Variants in TBCK observed in about 807,000 individuals in gnomAD.
The protein encoded by TBCK is TBC1 domain containing kinase, also known as TBC domain-containing protein kinase-like protein.
TBCK carries 99 observed loss-of-function variants against 113.4 expected under a neutral mutation model. The observed-to-expected ratio is 0.87, with a 90% CI of 0.74 to 1.03. The LOEUF (loss-of-function observed/expected upper bound fraction) is 1.03, where lower values mean the gene tolerates loss of function less well. TBCK is among the 50% of genes least tolerant of loss of function. The probability of loss-of-function intolerance (pLI) is 0.00; values close to 1 mark genes in which losing one functional copy is unlikely to be tolerated. For missense variants in TBCK, 1,045 were observed against 1,061.3 expected (o/e 0.98, Z 0.21); for synonymous variants, 369 against 370.8 (o/e 1.00, Z 0.05).
chr4:106,071,014 G>T (rs1737358538), intron 25 of TBCK, among the ~76,000 whole-genome samples: 1 of 150,356 alleles, frequency 6.7e-6, no homozygotes, highest in Non-Finnish European at 1.5e-5. Context: ...CTTGCTAGTG[G>T]TCTATCTATT....
chr4:106,170,992 A>G, intron 23 of TBCK, 103 bp downstream of exon 23: 1 of 799,540 alleles, frequency 1.3e-6, no homozygotes, highest in Non-Finnish European at 1.8e-6. Context: ...CTACATTAAA[A>G]GGACATAAAT....
intron 19 of TBCK, among the ~76,000 whole-genome samples, chr4:106,221,661 A>G (rs1422585128): frequency 6.6e-6 from 1 of 151,500 alleles, no homozygotes; most frequent in Non-Finnish European, 1.5e-5. Flanking sequence ...AGAATTCAAG[A>G]GTAGTTACAA....
intron 15 of TBCK, among the ~76,000 whole-genome samples, 166 bp from the exon 16 acceptor site, chr4:106,233,816 C>A (rs1272008044): frequency 1.3e-5 from 2 of 152,042 alleles, no homozygotes; most frequent in South Asian, 2.1e-4. Flanking sequence ...TTCTCTGTGT[C>A]TTTGACAATC....
intron 23 of TBCK, among the ~76,000 whole-genome samples, chr4:106,149,615 T>C (rs1748247167): frequency 1.3e-5 from 2 of 152,164 alleles, no homozygotes; most frequent in African/African-American, 2.4e-5. Context: ...CCGTTTGTGG[T>C]GCACCAAAAC....
chr4:106,079,795 G>T (rs1213952689), intron 25 of TBCK, among the ~76,000 whole-genome samples: 1 of 152,158 alleles, frequency 6.6e-6, no homozygotes, highest in African/African-American at 2.4e-5. Flanking sequence ...AGTTCTGCAG[G>T]CTATACAGGA....
At chr4:106,299,290 A>C (rs1045355656) in intron 2 of TBCK, among the ~76,000 whole-genome samples, 11 of 152,252 alleles carry the variant, frequency 7.2e-5, no homozygotes, top group Admixed American at 6.5e-5. Context: ...TGTCCTGTGT[A>C]GAAAATTACA....
chr4:106,223,032 T>A (rs978835561), intron 19 of TBCK, among the ~76,000 whole-genome samples: 3 of 152,118 alleles, frequency 2.0e-5, no homozygotes, highest in Non-Finnish European at 4.4e-5. Flanking sequence ...TAAAGGTAGG[T>A]AGGACATTTA....
chr4:106,172,800 C>A (rs1305724313), intron 22 of TBCK, among the ~76,000 whole-genome samples: 1 of 152,052 alleles, frequency 6.6e-6, no homozygotes. Flanking sequence ...TATACTTTCA[C>A]TTAATCCATT....
At chr4:106,277,617 A>G (rs1322730555) in intron 3 of TBCK, among the ~76,000 whole-genome samples, 1 of 152,188 alleles carries the variant, frequency 6.6e-6, no homozygotes, top group Non-Finnish European at 1.5e-5. Flanking sequence ...GACTCCAATA[A>G]TATAAAGTGC....
At chr4:106,189,088 A>T (rs1207546179) in intron 22 of TBCK, among the ~76,000 whole-genome samples, 2 of 152,200 alleles carry the variant, frequency 1.3e-5, no homozygotes, top group Non-Finnish European at 1.5e-5. Context: ...CAATATAAAC[A>T]AATTAACTAC....
chr4:106,107,739 ACAAAACAAC>A (rs1251895054), intron 24 of TBCK, among the ~76,000 whole-genome samples: 12 of 152,214 alleles, frequency 7.9e-5, no homozygotes, highest in Non-Finnish European at 4.4e-5. Context: ...AGAAGTGAGA[ACAAAACAAC>A]CTCAAAGCTA....
intron 24 of TBCK, 32 bp downstream of exon 24, chr4:106,116,171 C>G (rs1305688077): frequency 6.2e-7 from 1 of 1,601,730 alleles, no homozygotes; most frequent in Admixed American, 1.7e-5. Context: ...ATAAGCAGTA[C>G]CACCCTTTAA....
chr4:106,316,584 C>T (rs1464367290), upstream of TBCK: 7 of 1,551,530 alleles, frequency 4.5e-6, no homozygotes, highest in Non-Finnish European at 6.1e-6. Flanking sequence ...ACCCGTGGTC[C>T]TCCGCTTCAT....
intron 25 of TBCK, among the ~76,000 whole-genome samples, chr4:106,083,038 T>A (rs1387244258): frequency 6.6e-6 from 1 of 152,198 alleles, no homozygotes; most frequent in East Asian, 1.9e-4. Flanking sequence ...TCACAGCCTC[T>A]CAGCTGGAAT....
chr4:106,237,229 C>T (rs1759577046), intron 12 of TBCK, among the ~76,000 whole-genome samples: 5 of 151,944 alleles, frequency 3.3e-5, no homozygotes, highest in Admixed American at 2.6e-4. Flanking sequence ...TGGCATAATA[C>T]AAGCTAAGTC....
chr4:106,120,342 G>C (rs1284771515), intron 23 of TBCK, among the ~76,000 whole-genome samples: 1 of 152,072 alleles, frequency 6.6e-6, no homozygotes, highest in African/African-American at 2.4e-5. Flanking sequence ...CTGATTGCTA[G>C]CACAGCAGTC....
At chr4:106,117,171 A>G (rs1270786542) in intron 23 of TBCK, among the ~76,000 whole-genome samples, 1 of 152,194 alleles carries the variant, frequency 6.6e-6, no homozygotes. Flanking sequence ...GAAAGAGATG[A>G]GGCAAAGATT....
At chr4:106,271,162 CT>C (rs1763434047) in intron 3 of TBCK, among the ~76,000 whole-genome samples, 1 of 152,076 alleles carries the variant, frequency 6.6e-6, no homozygotes, top group Non-Finnish European at 1.5e-5. Context: ...TTCACCTAAC[CT>C]TGAACTAGAC....
chr4:106,296,122 C>T (rs906512539), intron 2 of TBCK, among the ~76,000 whole-genome samples: 1 of 152,070 alleles, frequency 6.6e-6, no homozygotes, highest in African/African-American at 2.4e-5. Flanking sequence ...GTTCTAAGGG[C>T]CAGCCTATAC....
Sources: gnomAD v4.1 joint callset for allele counts (sites outside exome capture counted in the v4.1 genomes callset) on GRCh38, gnomAD v4.1.1 for gene constraint, MANE v1.5 for transcripts, NCBI Gene and HGNC (gene_info 2026-07-23, HGNC 2026-07-21) for gene names.